The following MALT1 variants were observed in gnomAD, a reference collection of about 807,000 sequenced individuals.
The protein encoded by MALT1 is mucosa-associated lymphoid tissue lymphoma translocation protein 1.
In MALT1, 36 loss-of-function variants were observed where a neutral mutation model predicts 85.5. The observed-to-expected ratio is 0.42, with a 90% CI of 0.32 to 0.56. The LOEUF is 0.56. Among genes scored for constraint, MALT1 ranks in the 20% least tolerant of loss-of-function variants. The pLI, the probability that MALT1 is intolerant of heterozygous loss-of-function variation, is 0.10. For synonymous variants in MALT1, 359 were observed against 361.3 expected (o/e 0.99, Z 0.07); for missense variants, 716 against 981.6 (o/e 0.73, Z 3.62).
chr18:58,689,117 A>G (rs1247480292), intron 2 of MALT1, among the ~76,000 whole-genome samples: 2 of 152,062 alleles, frequency 1.3e-5, no homozygotes, highest in Non-Finnish European at 2.9e-5. Context: ...ATGCCACTGC[A>G]CTCCAGCCTG....
chr18:58,735,057 C>A, intron 12 of MALT1, 145 bp from the exon 13 acceptor site: 1 of 504,786 alleles, frequency 2.0e-6, no homozygotes, highest in East Asian at 3.3e-5. Context: ...AGTCCCCACG[C>A]TGTCCCCACC....
At chr18:58,702,220 CAAA>C (rs11380709) in intron 4 of MALT1, among the ~76,000 whole-genome samples, 2 of 114,624 alleles carry the variant, frequency 1.7e-5, no homozygotes, top group Admixed American at 9.8e-5. Context: ...AAAAAAAATG[CAAA>C]AAAAAAAAAA....
chr18:58,690,881 C>T, intron 2 of MALT1: 1 of 223,510 alleles, frequency 4.5e-6, no homozygotes, highest in Non-Finnish European at 9.4e-6. Flanking sequence ...TTTGATCTCT[C>T]ATGCCTGTCT....
At chr18:58,746,019 C>T (rs1002770266) in intron 16 of MALT1, among the ~76,000 whole-genome samples, 1 of 151,696 alleles carries the variant, frequency 6.6e-6, no homozygotes, top group African/African-American at 2.4e-5. Context: ...AGAGTATATT[C>T]TTTTTTCTTT....
At chr18:58,721,987 T>C (rs935992513) in intron 9 of MALT1, among the ~76,000 whole-genome samples, 21 of 152,168 alleles carry the variant, frequency 1.4e-4, no homozygotes, top group African/African-American at 4.8e-4. Context: ...CTCCCTGGCA[T>C]TTCTGTCACT....
chr18:58,688,536 CAAAAAAAAAAAAAA>C (rs552838701), intron 2 of MALT1, among the ~76,000 whole-genome samples: 3 of 61,402 alleles, frequency 4.9e-5, no homozygotes, highest in Admixed American at 4.6e-4. Flanking sequence ...CCTGTTTCTA[CAAAAAAAAAAAAAA>C]AAAAAAAAAA....
At chr18:58,706,453 C>T (rs2054753357) in intron 4 of MALT1, among the ~76,000 whole-genome samples, 1 of 152,178 alleles carries the variant, frequency 6.6e-6, no homozygotes, top group African/African-American at 2.4e-5. Context: ...CCGCGCCCAG[C>T]CCACGTGTGT....
chr18:58,746,729 G>A (rs548694085), intron 16 of MALT1, among the ~76,000 whole-genome samples: 1 of 146,702 alleles, frequency 6.8e-6, no homozygotes, highest in Admixed American at 6.8e-5. Flanking sequence ...ATAAAACCAG[G>A]TTTTTTTTTT....
chr18:58,698,820 G>A (rs1216983590), intron 3 of MALT1, among the ~76,000 whole-genome samples: 1 of 152,196 alleles, frequency 6.6e-6, no homozygotes, highest in Non-Finnish European at 1.5e-5. Context: ...AAGGGGAGAA[G>A]AACAAGGGAA....
intron 10 of MALT1, among the ~76,000 whole-genome samples, chr18:58,727,169 C>G (rs1351482906): frequency 1.3e-5 from 2 of 152,150 alleles, no homozygotes; most frequent in Non-Finnish European, 2.9e-5. Context: ...ACTTTTTCAT[C>G]TTTAGATTGG....
chr18:58,700,434 T>C lies in MALT1; in HGVS notation c.499-7T>C. The C allele has an allele frequency of 6.3e-7, 1 of 1,590,776 alleles. No individual in the cohort carries two copies. The highest frequency in any genetic ancestry group is 8.5e-7 in the Non-Finnish European group (1 of 1,172,216). On this transcript the variant is annotated splice_region_variant and splice_polypyrimidine_tract_variant and intron_variant, in intron 3 of 16. Transcript: ENST00000649217. The stretch of plus-strand genomic sequence containing the variant: ...GTCATCCACTTCTCTTATTGATTCT[T>C]TCACAGATTCCAAATGGAAATACAT...
chr18:58,681,963 G>C (rs905202464), intron 2 of MALT1, among the ~76,000 whole-genome samples: 1 of 152,190 alleles, frequency 6.6e-6, no homozygotes, highest in Non-Finnish European at 1.5e-5. Context: ...GTCTACAGCA[G>C]TGGTGGAGGG....
Position 58,735,244 on chromosome 18 carries a change from G to A in MALT1, c.1518G>A (p.Leu506=), listed in dbSNP as rs1009691581. The change falls in exon 13 of 17, where the codon TTG becomes TTA. Residue 506 remains leucine (L), a synonymous_variant. Transcript: ENST00000649217. ...AEAFEIQHSG[L]ANGIFMKFLK... ...CTTTTGAAATCCAGCATTCTGGATT[G>A]GCAAATGGAATCTTTATGAAATTTT... The A allele has an allele frequency of 3.1e-6, 5 of 1,610,672 alleles. No homozygotes were observed. The highest frequency in any genetic ancestry group is 4.2e-6 in the Non-Finnish European group (5 of 1,179,260).
chr18:58,735,943 A>G (rs1410968014), intron 13 of MALT1, among the ~76,000 whole-genome samples: 1 of 152,122 alleles, frequency 6.6e-6, no homozygotes, highest in Non-Finnish European at 1.5e-5. Context: ...CTATTATTTC[A>G]GTAGATTGCA....
chr18:58,702,876 G>C (rs577458094), intron 4 of MALT1, among the ~76,000 whole-genome samples: 1 of 152,288 alleles, frequency 6.6e-6, no homozygotes, highest in South Asian at 2.1e-4. Flanking sequence ...CTCCTCTAAA[G>C]AGTAGTTGTC....
chr18:58,685,050 C>A (rs937550591), intron 2 of MALT1, among the ~76,000 whole-genome samples: 2 of 152,030 alleles, frequency 1.3e-5, no homozygotes, highest in East Asian at 1.9e-4. Context: ...AAGATCATAT[C>A]CAAGACAGTT....
chr18:58,688,625 C>T (rs956778730), intron 2 of MALT1, among the ~76,000 whole-genome samples: 1 of 151,522 alleles, frequency 6.6e-6, no homozygotes, highest in Non-Finnish European at 1.5e-5. Flanking sequence ...CTTTTAGAAC[C>T]TGGCCATATG....
Position 58,696,385 on chromosome 18 carries a change from C to T in MALT1, c.396C>T (p.Asn132=). 3 of 1,222,926 alleles carry T rather than the reference C, an allele frequency of 2.5e-6. No individual in the cohort carries two copies. The highest frequency in any genetic ancestry group is 3.4e-6 in the Non-Finnish European group (3 of 888,046). The allele number at this position is 1,222,926 out of a possible 1,614,324, so 75.8% of individuals were successfully genotyped here. A position where few individuals can be genotyped will look rare whatever the true frequency, so the allele number is the denominator to read the frequency against. Residue 132 remains asparagine (N), a synonymous_variant, in exon 3 of 17, where the codon AAC becomes AAT. Transcript: ENST00000649217. ...LSPPGIKITV[N]PESKAVLAGQ... is the part of the protein sequence containing the mutation. ...TTTTAGGAATAAAGATTACTGTAAA[C>T]CCAGAGTCAAAGGCAGTCTTGGCTG...
intron 2 of MALT1, among the ~76,000 whole-genome samples, chr18:58,689,861 G>T (rs1255591083): frequency 6.6e-6 from 1 of 152,204 alleles, no homozygotes; most frequent in African/African-American, 2.4e-5. Flanking sequence ...CAGAGGACTG[G>T]TAAGTGGAAA....
Sources: allele counts gnomAD v4.1 joint callset (sites outside exome capture counted in the v4.1 genomes callset), GRCh38; gene constraint gnomAD v4.1.1; transcripts MANE v1.5; gene names NCBI Gene and HGNC (gene_info 2026-07-23, HGNC 2026-07-21).